TTC29: variants seen among roughly 807,000 people sequenced by gnomAD.
TTC29 encodes the protein tetratricopeptide repeat domain 29.
A neutral mutation model predicts 58.1 loss-of-function variants in TTC29; 49 were observed. The ratio of observed to expected loss-of-function variants is 0.84; its 90% CI spans 0.67 to 1.07. The LOEUF (loss-of-function observed/expected upper bound fraction) is 1.07. Among genes scored for constraint, TTC29 ranks in the 50% least tolerant of loss-of-function variants. TTC29 has a pLI of 0.00. For synonymous variants in TTC29, 209 were observed against 196.8 expected (o/e 1.06, Z -0.52); for missense variants, 582 against 555.6 (o/e 1.05, Z -0.48).
At chr4:146,893,622 G>A (rs1325549320) in intron 6 of TTC29, among the ~76,000 whole-genome samples, 4 of 152,138 alleles carry the variant, frequency 2.6e-5, no homozygotes, top group Non-Finnish European at 4.4e-5. Flanking sequence ...CACAGGCATG[G>A]GCAAGGACTT....
intron 11 of TTC29, among the ~76,000 whole-genome samples, chr4:146,782,513 C>T (rs1437642033): frequency 6.6e-6 from 1 of 151,830 alleles, no homozygotes; most frequent in Non-Finnish European, 1.5e-5. Flanking sequence ...TGGCATTACT[C>T]TGTTGGAGAA....
At chr4:146,764,511 T>C (rs1384132193) in intron 11 of TTC29, among the ~76,000 whole-genome samples, 1 of 151,986 alleles carries the variant, frequency 6.6e-6, no homozygotes, top group African/African-American at 2.4e-5. Context: ...GGTTAATTGG[T>C]TTATAAGTAC....
intron 4 of TTC29, among the ~76,000 whole-genome samples, chr4:146,930,364 C>T (rs1208890682): frequency 6.6e-6 from 1 of 151,922 alleles, no homozygotes; most frequent in African/African-American, 2.4e-5. Context: ...AATGATAATG[C>T]TGTTCCCTTC....
In TTC29 at chr4:146,874,875, CCT is replaced by C; in HGVS notation, c.638_639del (p.Gln213ArgfsTer7). 5.0e-6 allele frequency: 8 copies of C among 1,613,522 alleles called. No individual in the cohort carries two copies. The highest frequency in any genetic ancestry group is 5.9e-6 in the Non-Finnish European group (7 of 1,179,712). ...EHYEAFHQLT[Q>X]GRIWKDETGR... ...CCTGTCTCATCCTTCCATATCCGCCCCTGTGTCAATTGATGGAATGCTTCATA... is the reference window on the plus strand; with the variant it reads ...CCTGTCTCATCCTTCCATATCCGCCCGTGTCAATTGATGGAATGCTTCATA... On this transcript the variant is annotated frameshift_variant, in exon 7 of 13. Transcript: ENST00000325106. LOFTEE classifies it high-confidence loss of function.
At chr4:146,931,296 T>C (rs1735320648) in intron 4 of TTC29, among the ~76,000 whole-genome samples, 1 of 152,146 alleles carries the variant, frequency 6.6e-6, no homozygotes, top group African/African-American at 2.4e-5. Flanking sequence ...GATATAACTA[T>C]ACATAAAGAG....
At chr4:146,863,568 A>G (rs925592367) in intron 8 of TTC29, among the ~76,000 whole-genome samples, 1 of 152,198 alleles carries the variant, frequency 6.6e-6, no homozygotes, top group African/African-American at 2.4e-5. Flanking sequence ...AACTGTGACA[A>G]ACTAAATGTC....
At chr4:146,871,356 AC>A (rs1265631935) in intron 7 of TTC29, among the ~76,000 whole-genome samples, 2 of 151,980 alleles carry the variant, frequency 1.3e-5, no homozygotes, top group Admixed American at 1.3e-4. Flanking sequence ...AAGGGCATCT[AC>A]AAAAAAACCC....
intron 9 of TTC29, among the ~76,000 whole-genome samples, chr4:146,826,850 CAGT>C (rs1191617191): frequency 6.6e-6 from 1 of 150,746 alleles, no homozygotes; most frequent in Non-Finnish European, 1.5e-5. Flanking sequence ...TGTCTTATTT[CAGT>C]AAGGTGGCCT....
chr4:146,900,298 C>T (rs1733053870), intron 6 of TTC29, among the ~76,000 whole-genome samples: 1 of 152,114 alleles, frequency 6.6e-6, no homozygotes, highest in Non-Finnish European at 1.5e-5. Flanking sequence ...AAAGTAGTTC[C>T]AAAACAAAAT....
intron 11 of TTC29, among the ~76,000 whole-genome samples, chr4:146,728,633 C>T (rs1743971343): frequency 6.7e-6 from 1 of 149,304 alleles, no homozygotes; most frequent in African/African-American, 2.5e-5. Context: ...TAACATTTTA[C>T]TTTTACTACT....
At chr4:146,816,861 A>T (rs1751443779) in intron 10 of TTC29, among the ~76,000 whole-genome samples, 1 of 152,210 alleles carries the variant, frequency 6.6e-6, no homozygotes, top group Non-Finnish European at 1.5e-5. Flanking sequence ...TCCTTCTGAA[A>T]TAAAGTCAAT....
chr4:146,784,149 T>C (rs1748828825), intron 11 of TTC29, among the ~76,000 whole-genome samples: 1 of 151,644 alleles, frequency 6.6e-6, no homozygotes, highest in Non-Finnish European at 1.5e-5. Context: ...ATAAACTATA[T>C]AATAGGAGGA....
chr4:146,902,080 A>G (rs1466964834), intron 6 of TTC29, among the ~76,000 whole-genome samples: 1 of 152,180 alleles, frequency 6.6e-6, no homozygotes, highest in Non-Finnish European at 1.5e-5. Context: ...ATACTTAAAT[A>G]TGTTCTCTTA....
chr4:146,833,433 C>G (rs543102249), intron 9 of TTC29, among the ~76,000 whole-genome samples: 1 of 152,144 alleles, frequency 6.6e-6, no homozygotes, highest in Non-Finnish European at 1.5e-5. Context: ...TGGAAACTTT[C>G]CTCAAAGAAG....
chr4:146,725,915 C>A (rs182472410), intron 11 of TTC29, among the ~76,000 whole-genome samples: 1 of 152,216 alleles, frequency 6.6e-6, no homozygotes, highest in Non-Finnish European at 1.5e-5. Flanking sequence ...CTCTGTTGCC[C>A]AGGTTGGAGT....
intron 4 of TTC29, among the ~76,000 whole-genome samples, chr4:146,931,078 C>T (rs760756205): frequency 2.6e-5 from 4 of 151,886 alleles, no homozygotes; most frequent in Non-Finnish European, 5.9e-5. Context: ...CATGATGGCT[C>T]ACAGCTGTAA....
chr4:146,826,440 A>T (rs1166195373), intron 9 of TTC29, among the ~76,000 whole-genome samples: 3 of 152,186 alleles, frequency 2.0e-5, no homozygotes, highest in Admixed American at 2.0e-4. Flanking sequence ...ATTGGCCCCC[A>T]ATCTCTTCTA....
At chr4:146,793,364 C>T (rs1234677795) in intron 11 of TTC29, among the ~76,000 whole-genome samples, 1 of 152,164 alleles carries the variant, frequency 6.6e-6, no homozygotes, top group African/African-American at 2.4e-5. Context: ...AATCAACAGC[C>T]ATTAACATCA....
chr4:146,942,671 A>G (rs1366820357), intron 2 of TTC29: 8 of 1,514,144 alleles, frequency 5.3e-6, no homozygotes, highest in Non-Finnish European at 6.2e-6. Flanking sequence ...TTCTTAACCC[A>G]CACCAGTGTA....
Sources: allele counts gnomAD v4.1 joint callset (sites outside exome capture counted in the v4.1 genomes callset), GRCh38; gene constraint gnomAD v4.1.1; transcripts MANE v1.5; gene names NCBI Gene and HGNC (gene_info 2026-07-23, HGNC 2026-07-21).